Variants in CELF5 observed in about 807,000 individuals in gnomAD.
CELF5 encodes the protein CUG-BP and ETR-3 like factor 5.
CELF5 carries 6 observed loss-of-function variants against 54.9 expected under a neutral mutation model. That is an observed-to-expected ratio of 0.11 (90% CI 0.06 to 0.22). The LOEUF (loss-of-function observed/expected upper bound fraction) is 0.22. CELF5 is among the 10% of genes least tolerant of loss of function. The probability of loss-of-function intolerance (pLI) is 1.00; values close to 1 mark genes in which losing one functional copy is unlikely to be tolerated. For missense variants in CELF5, 401 were observed against 678.6 expected, an observed-to-expected ratio of 0.59 and a Z score of 4.54; for synonymous variants, 271 against 290.9, an observed-to-expected ratio of 0.93 and a Z score of 0.70.
chr19:3,287,548 G>T (rs889177217), intron 10 of CELF5, among the ~76,000 whole-genome samples: 1 of 150,650 alleles, frequency 6.6e-6, no homozygotes, highest in Non-Finnish European at 1.5e-5. Context: ...AACAGAGCGA[G>T]ACTCCATCTC....
At chr19:3,252,577 G>A (rs139298084) in intron 2 of CELF5, among the ~76,000 whole-genome samples, 30 of 152,238 alleles carry the variant, frequency 2.0e-4, no homozygotes, top group African/African-American at 6.5e-4. Flanking sequence ...CAGGGCATTC[G>A]TAGCCTTCGT....
Position 3,285,926 on chromosome 19 carries a change from G to A in CELF5, c.1103-16G>A. 1 of 1,546,890 alleles carries A rather than the reference G, an allele frequency of 6.5e-7. No homozygotes were observed. Among genetic ancestry groups the A allele is most frequent in the Non-Finnish European group, 8.7e-7 (1 of 1,154,266 alleles). ...CACGCCCCTCCTCGCCCTGTGTCTC[G>A]CTCCGGTCTCCGCAGCCATGTACCC... is the stretch of plus-strand genomic sequence containing the variant. On this transcript the variant is annotated splice_polypyrimidine_tract_variant and intron_variant, in intron 9 of 12. Transcript: ENST00000292672.
In CELF5 at chr19:3,235,637, G is replaced by A. The variant is rs1211359186; in HGVS notation, c.259+10639G>A. ...GGATGAATAGGTGGGTGGGTGGATG[G>A]GTGGATGAGTGGATGGATGGATGGA... is the stretch of plus-strand genomic sequence containing the variant. On this transcript the variant is annotated intron_variant, in intron 1 of 12. Coordinates refer to ENST00000292672, the MANE Select transcript of CELF5 (RefSeq NM_021938.4). Among the ~76,000 whole-genome samples the A allele has an allele frequency of 3.4e-3, 507 of 147,068 alleles. 2 individuals are homozygous for A. Among genetic ancestry groups the A allele is most frequent in the African/African-American group, 0.012 (479 of 38,644 alleles).
intron 2 of CELF5, among the ~76,000 whole-genome samples, chr19:3,267,281 G>A (rs903762559): frequency 4.3e-5 from 6 of 139,194 alleles, no homozygotes; most frequent in Admixed American, 1.6e-4. Flanking sequence ...CTGAAGAGAG[G>A]GCAACCCCCC....
At chr19:3,243,028 G>T (rs1030013027) in intron 1 of CELF5, among the ~76,000 whole-genome samples, 18 of 152,024 alleles carry the variant, frequency 1.2e-4, no homozygotes, top group Admixed American at 5.3e-4. Context: ...GTGACCTTGG[G>T]CAAGCCACTT....
At chr19:3,229,505 G>A (rs1917143457) in intron 1 of CELF5, among the ~76,000 whole-genome samples, 1 of 152,184 alleles carries the variant, frequency 6.6e-6, no homozygotes, top group Admixed American at 6.5e-5. Flanking sequence ...AGGGCCGCCT[G>A]GAGGAGGCAG....
chr19:3,280,208 T>G (rs1305201839), intron 5 of CELF5, among the ~76,000 whole-genome samples: 1 of 151,940 alleles, frequency 6.6e-6, no homozygotes, highest in East Asian at 1.9e-4. Flanking sequence ...GGGCCCCCAG[T>G]CCCCACCAGT....
At position 3,268,272 on chromosome 19, in the gene CELF5, G is replaced by T. The variant is rs975226652; in HGVS notation, c.343-5600G>T. On this transcript the variant is annotated intron_variant, in intron 2 of 12. Coordinates refer to ENST00000292672, the MANE Select transcript of CELF5 (RefSeq NM_021938.4). This position sits in a 1 kb window ranked among gnomAD's most constrained non-coding sequence, Gnocchi z 4.4. ...CCTCAGCCTCCCAAAGTGCTAAAGT[G>T]CTGGGGTTACAGGTGTGAGCCACCA... 6.6e-6 allele frequency among the ~76,000 whole-genome samples: 1 copy of T among 152,140 alleles called. No individual in the cohort carries two copies. Among genetic ancestry groups the T allele is most frequent in the South Asian group, 2.1e-4 (1 of 4,816 alleles).
chr19:3,277,586 G>A (rs918427612), intron 4 of CELF5, among the ~76,000 whole-genome samples: 1 of 152,040 alleles, frequency 6.6e-6, no homozygotes, highest in Non-Finnish European at 1.5e-5. Context: ...TCACCACTAT[G>A]TAATTCCAGA....
intron 1 of CELF5, among the ~76,000 whole-genome samples, chr19:3,226,644 G>T (rs991392675): frequency 5.9e-5 from 9 of 152,138 alleles, no homozygotes; most frequent in Non-Finnish European, 1.0e-4. Flanking sequence ...AAAGATTCCC[G>T]TGGGAATGGG....
At chr19:3,296,462 G>GAAAAA (rs2080453769) in intron 12 of CELF5, 1 of 74,492 alleles carries the variant, frequency 1.3e-5, no homozygotes, top group African/African-American at 5.2e-5. Flanking sequence ...AAAAAGAAAA[G>GAAAAA]AAAAAAGAAA....
intron 9 of CELF5, 28 bp downstream of exon 9, chr19:3,284,992 G>A: frequency 1.3e-6 from 2 of 1,508,286 alleles, no homozygotes; most frequent in Non-Finnish European, 1.8e-6. Flanking sequence ...TGCCCGCGCT[G>A]GGCCCTGGCC....
chr19:3,247,796 C>G (rs903124752), intron 1 of CELF5, among the ~76,000 whole-genome samples: 5 of 151,452 alleles, frequency 3.3e-5, no homozygotes, highest in Non-Finnish European at 4.4e-5. Context: ...GCACTTTGCT[C>G]TGTTGCCCAG....
At chr19:3,259,322 C>T (rs1049252316) in intron 2 of CELF5, among the ~76,000 whole-genome samples, 1 of 152,046 alleles carries the variant, frequency 6.6e-6, no homozygotes, top group African/African-American at 2.4e-5. Flanking sequence ...GTGGTTGTCA[C>T]GACTTGGGGA....
intron 1 of CELF5, among the ~76,000 whole-genome samples, chr19:3,240,566 G>C (rs1248027837): frequency 6.6e-6 from 1 of 151,958 alleles, no homozygotes; most frequent in Non-Finnish European, 1.5e-5. Context: ...GACCTTAGGT[G>C]AGCCACCTGC....
chr19:3,267,289 C>T (rs1022534506), intron 2 of CELF5, among the ~76,000 whole-genome samples: 1 of 152,174 alleles, frequency 6.6e-6, no homozygotes, highest in Non-Finnish European at 1.5e-5. Flanking sequence ...AGGGCAACCC[C>T]CCCGTTTCCG....
At chr19:3,263,125 T>A (rs778188797) in intron 2 of CELF5, among the ~76,000 whole-genome samples, 5 of 150,426 alleles carry the variant, frequency 3.3e-5, no homozygotes, top group Non-Finnish European at 5.9e-5. Flanking sequence ...CAGGCGCCTA[T>A]AATCCTAGCT....
At chr19:3,276,512 T>C (rs140016845) in intron 4 of CELF5, among the ~76,000 whole-genome samples, 46 of 111,542 alleles carry the variant, frequency 4.1e-4, no homozygotes, top group Middle Eastern at 6.0e-3. Flanking sequence ...GGGCTGAGCA[T>C]ATAGGGGGTG....
In CELF5 at chr19:3,282,066, C is replaced by T. The variant is rs954072950; in HGVS notation, c.751-60C>T. On this transcript the variant is annotated intron_variant, in intron 6 of 12. Transcript: ENST00000292672. The surrounding 1 kb of genome is among the most constrained non-coding windows in gnomAD (Gnocchi z 5.2). The stretch of plus-strand genomic sequence containing the variant: ...TAGTAACTGGGGTACCAAGCCTCCC[C>T]TCATAAGCCATGATCTCAGGGCAGA... The T allele has an allele frequency of 1.9e-5, 30 of 1,598,628 alleles. No individual in the cohort carries two copies. The highest frequency in any genetic ancestry group is 2.6e-5 in the Non-Finnish European group (30 of 1,168,090).
Sources: gnomAD v4.1 joint callset for allele counts (sites outside exome capture counted in the v4.1 genomes callset) on GRCh38, gnomAD v4.1.1 for gene constraint, Gnocchi (gnomAD v3.1) non-coding constraint, MANE v1.5 for transcripts, NCBI Gene and HGNC (gene_info 2026-07-23, HGNC 2026-07-21) for gene names.